PCDHGA2: variants seen among roughly 807,000 people sequenced by gnomAD.
PCDHGA2 encodes protocadherin gamma subfamily A, 2, also known as protocadherin gamma-A2.
PCDHGA2 carries 40 observed loss-of-function variants against 59.2 expected under a neutral mutation model. That is an observed-to-expected ratio of 0.68 (90% CI 0.52 to 0.88). The LOEUF (loss-of-function observed/expected upper bound fraction) is 0.88. Among genes scored for constraint, PCDHGA2 ranks in the 40% least tolerant of loss-of-function variants. The pLI, the probability that PCDHGA2 is intolerant of heterozygous loss-of-function variation, is 0.00. For synonymous variants in PCDHGA2, 560 were observed against 526.0 expected, an observed-to-expected ratio of 1.06 and a Z score of -0.89; for missense variants, 1,226 against 1,204.0, an observed-to-expected ratio of 1.02 and a Z score of -0.27.
At chr5:141,390,611 C>A (rs1248320569) in intron 1 of PCDHGA2, 1 of 295,950 alleles carries the variant, frequency 3.4e-6, no homozygotes, top group Admixed American at 4.8e-5. Context: ...CATTTTCCTT[C>A]TTGTTGACTA....
Position 141,431,351 on chromosome 5 carries a change from C to T in PCDHGA2, c.2425-63456C>T, listed in dbSNP as rs1411192998. On this transcript the variant is annotated intron_variant, in intron 1 of 3. Coordinates refer to ENST00000394576, the MANE Select transcript of PCDHGA2 (RefSeq NM_018915.4). The surrounding 1 kb of genome is among the most constrained non-coding windows in gnomAD (Gnocchi z 4.8). ...TAAGTACCCCGAATTGGTGCTGAAACGCGCCCTGGACCGCGAAGAAAAGGC... is the reference window on the plus strand; with the variant it reads ...TAAGTACCCCGAATTGGTGCTGAAATGCGCCCTGGACCGCGAAGAAAAGGC... The T allele has an allele frequency of 1.9e-6, 3 of 1,613,946 alleles. No homozygotes were observed. Among genetic ancestry groups the T allele is most frequent in the African/African-American group, 2.7e-5 (2 of 74,938 alleles).
chr5:141,406,258 G>C (rs895877034), intron 1 of PCDHGA2, among the ~76,000 whole-genome samples: 13 of 151,882 alleles, frequency 8.6e-5, no homozygotes, highest in South Asian at 2.1e-4. Flanking sequence ...GGTCTCAAAC[G>C]ATCTTCCTGC....
At chr5:141,412,527 A>G (rs1017506409) in intron 1 of PCDHGA2, 3 of 152,186 alleles carry the variant, frequency 2.0e-5, no homozygotes, top group Admixed American at 1.3e-4. Context: ...AGTAGTTACA[A>G]TTATAAAGCT....
intron 1 of PCDHGA2, chr5:141,484,969 G>A: frequency 3.4e-6 from 2 of 584,588 alleles, no homozygotes; most frequent in Admixed American, 3.2e-5. Flanking sequence ...CCCGGGAGCC[G>A]CTGTCTGCCA....
intron 1 of PCDHGA2, chr5:141,426,778 C>A (rs780981970): frequency 2.2e-6 from 1 of 456,716 alleles, no homozygotes; most frequent in South Asian, 1.5e-5. Context: ...GGGCCTCACT[C>A]TCTCCAGAGT....
chr5:141,481,167 A>C (rs77180710), intron 1 of PCDHGA2, among the ~76,000 whole-genome samples: 2,577 of 152,328 alleles, frequency 0.017, 78 homozygotes, highest in African/African-American at 0.059. Flanking sequence ...GCAGAACCAG[A>C]ATCCAGCTTT....
At chr5:141,417,866 G>C (rs1299960512) in intron 1 of PCDHGA2, 1 of 1,552,408 alleles carries the variant, frequency 6.4e-7, no homozygotes, top group African/African-American at 1.4e-5. Context: ...AACGATGGGA[G>C]GGAGCTGCGC....
chr5:141,375,886 C>G lies in PCDHGA2; in HGVS notation c.2424+34491C>G, dbSNP rs1772014955. The G allele has an allele frequency of 1.2e-6, 2 of 1,613,822 alleles. No homozygotes were observed. Among genetic ancestry groups the G allele is most frequent in the Non-Finnish European group, 8.5e-7 (1 of 1,180,024 alleles). On this transcript the variant is annotated intron_variant, in intron 1 of 3. Coordinates refer to ENST00000394576, the MANE Select transcript of PCDHGA2 (RefSeq NM_018915.4). ...CGGTGGACAGAGACTCGGGCCAGAACGCCTGGCTGTCCTACCGCCTGCTCA... is the reference window on the plus strand; with the variant it reads ...CGGTGGACAGAGACTCGGGCCAGAAGGCCTGGCTGTCCTACCGCCTGCTCA...
chr5:141,508,721 G>A (rs1266581528), intron 3 of PCDHGA2, among the ~76,000 whole-genome samples: 1 of 151,930 alleles, frequency 6.6e-6, no homozygotes, highest in Non-Finnish European at 1.5e-5. Flanking sequence ...TCTGTGTGCA[G>A]GGAGACTACA....
chr5:141,361,332 G>T lies in PCDHGA2; in HGVS notation c.2424+19937G>T, dbSNP rs544332613. 9 of 1,613,816 alleles carry T rather than the reference G, an allele frequency of 5.6e-6. No homozygotes were observed. The Admixed American group carries it at 8.3e-5, about 15-fold the overall frequency. ...AGTTTATTTTGAAATCTTCCTCAAAGAACTATTACAAACTAGTGACAGACG... is the reference window on the plus strand; with the variant it reads ...AGTTTATTTTGAAATCTTCCTCAAATAACTATTACAAACTAGTGACAGACG... On this transcript the variant is annotated intron_variant, in intron 1 of 3. Transcript: ENST00000394576.
intron 1 of PCDHGA2, chr5:141,427,984 C>T (rs754620535): frequency 1.9e-6 from 3 of 1,597,494 alleles, no homozygotes; most frequent in South Asian, 1.1e-5. Context: ...GCGCTGGGGC[C>T]CGATGGCTCC....
At chr5:141,356,094 T>C (rs1196881298) in intron 1 of PCDHGA2, 1 of 1,613,784 alleles carries the variant, frequency 6.2e-7, no homozygotes, top group South Asian at 1.1e-5. Flanking sequence ...ATTCTCTGAG[T>C]GGGGATATAA....
intron 1 of PCDHGA2, among the ~76,000 whole-genome samples, chr5:141,380,312 T>C (rs1776368746): frequency 6.6e-6 from 1 of 152,162 alleles, no homozygotes; most frequent in Middle Eastern, 3.2e-3. Context: ...TGCTTGAGAA[T>C]GAAAATCTAA....
At chr5:141,381,826 C>CTTTTTTTTTTTTTTTTTTTTTTTTCTTT (rs770630741) in intron 1 of PCDHGA2, among the ~76,000 whole-genome samples, 1 of 74,284 alleles carries the variant, frequency 1.3e-5, no homozygotes, top group Non-Finnish European at 2.4e-5. Context: ...CTTTCTTCTT[C>CTTTTTTTTTTTTTTTTTTTTTTTTCTTT]TTTTTTTTTT....
chr5:141,341,110 G>A lies in PCDHGA2; in HGVS notation c.2139G>A (p.Ala713=), dbSNP rs1294332498. ...TGGCCTTCGTCATCGTGTTGCTGGCGCACAGGCTGCGGCGCTGGCACAAGT... is the reference window on the plus strand; with the variant it reads ...TGGCCTTCGTCATCGTGTTGCTGGCACACAGGCTGCGGCGCTGGCACAAGT... ...VFLAFVIVLL[A]HRLRRWHKSR... Residue 713 remains alanine, a synonymous_variant, in exon 1 of 4, where the codon GCG becomes GCA. Transcript: ENST00000394576. The A allele has an allele frequency of 2.5e-6, 4 of 1,614,232 alleles. No homozygotes were observed. Among genetic ancestry groups the A allele is most frequent in the Non-Finnish European group, 3.4e-6 (4 of 1,180,046 alleles).
Position 141,431,132 on chromosome 5 carries a change from G to A in PCDHGA2, c.2425-63675G>A. On this transcript the variant is annotated intron_variant, in intron 1 of 3. Coordinates refer to ENST00000394576, the MANE Select transcript of PCDHGA2 (RefSeq NM_018915.4). This position sits in a 1 kb window ranked among gnomAD's most constrained non-coding sequence, Gnocchi z 4.8. ...ATATGGAGTAGAAGTAGAAGTAAGGGACATTAACGACAATGCGCCTTACTT... is the reference window on the plus strand; with the variant it reads ...ATATGGAGTAGAAGTAGAAGTAAGGAACATTAACGACAATGCGCCTTACTT... 2 of 1,614,232 alleles carry A rather than the reference G, an allele frequency of 1.2e-6. No individual in the cohort carries two copies. The highest frequency in any genetic ancestry group is 8.5e-7 in the Non-Finnish European group (1 of 1,180,024).
chr5:141,370,786 C>T (rs1378558214), intron 1 of PCDHGA2: 1 of 1,613,972 alleles, frequency 6.2e-7, no homozygotes, highest in East Asian at 2.2e-5. Flanking sequence ...GACAACCCAC[C>T]GACCTTTAGC....
intron 1 of PCDHGA2, chr5:141,359,944 G>T: frequency 2.0e-6 from 1 of 508,210 alleles, no homozygotes; most frequent in Non-Finnish European, 3.2e-6. Flanking sequence ...CGTCGCTGTT[G>T]GTCAAAAGAA....
intron 1 of PCDHGA2, chr5:141,352,600 T>A: frequency 6.2e-7 from 1 of 1,613,818 alleles, no homozygotes; most frequent in South Asian, 1.1e-5. Flanking sequence ...TGTGTGATGA[T>A]CCTTCTATGG....
Sources: gnomAD v4.1 joint callset for allele counts (sites outside exome capture counted in the v4.1 genomes callset) on GRCh38, gnomAD v4.1.1 for gene constraint, Gnocchi (gnomAD v3.1) non-coding constraint, MANE v1.5 for transcripts, NCBI Gene and HGNC (gene_info 2026-07-23, HGNC 2026-07-21) for gene names.